The following LILRA6 variants were observed in gnomAD, a reference collection of about 807,000 sequenced individuals.
LILRA6 encodes the protein leukocyte immunoglobulin like receptor A6, also known as leukocyte immunoglobulin-like receptor subfamily A member 6.
In LILRA6, 16 loss-of-function variants were observed where a neutral mutation model predicts 53.9. The ratio of observed to expected loss-of-function variants is 0.30; its 90% CI spans 0.20 to 0.45. The LOEUF (loss-of-function observed/expected upper bound fraction) is 0.45, where lower values mean the gene tolerates loss of function less well. Ranked by LOEUF, LILRA6 falls within the 20% of genes least tolerant of loss-of-function variation. LILRA6 has a pLI of 1.00. For missense variants in LILRA6, 306 were observed against 618.6 expected, an observed-to-expected ratio of 0.49 and a Z score of 5.36; for synonymous variants, 135 against 256.4, an observed-to-expected ratio of 0.53 and a Z score of 4.52.
At chr19:54,239,279 A>G (rs1161128990) in intron 7 of LILRA6, 190 bp from the exon 8 acceptor site, 2 of 1,488,862 alleles carry the variant, frequency 1.3e-6, no homozygotes, top group African/African-American at 2.9e-5. Context: ...ATCAAAACAG[A>G]AGGGGAGAGC....
At position 54,239,109 on chromosome 19, in the gene LILRA6, A is replaced by G. The variant is rs761640344; in HGVS notation, c.1310-20T>C. On this transcript the variant is annotated intron_variant, in intron 7 of 7. Coordinates refer to ENST00000396365, the Ensembl canonical transcript of LILRA6. The stretch of plus-strand genomic sequence containing the variant: ...GTGAGGCTGGGGATGGTGGGCAAAG[A>G]GGTCACAGAGGTCCGGGCAGATCAA... 1 of 1,610,728 alleles carries G rather than the reference A, an allele frequency of 6.2e-7. No individual in the cohort carries two copies. Among genetic ancestry groups the G allele is most frequent in the Non-Finnish European group, 8.5e-7 (1 of 1,179,270 alleles).
intron 7 of LILRA6, 182 bp downstream of exon 7, chr19:54,239,719 G>GGCT (rs1183844415): frequency 6.4e-5 from 97 of 1,507,276 alleles, no homozygotes; most frequent in Non-Finnish European, 8.1e-5. Flanking sequence ...ACATCAGCCC[G>GGCT]GCTCCTCCTC....
chr19:54,239,305 C>A (rs1600978122), intron 7 of LILRA6: 3 of 1,406,050 alleles, frequency 2.1e-6, no homozygotes, highest in East Asian at 2.4e-5. Context: ...GCCAGCCTCT[C>A]CCCTGGGCTC....
chr19:54,241,623 G>T (rs775764386), exon 4 of LILRA6: 7 of 1,494,142 alleles, frequency 4.7e-6, no homozygotes, highest in Non-Finnish European at 6.4e-6. Flanking sequence ...CCACACCCGG[G>T]GGGTGTTCAT....
downstream of LILRA6, chr19:54,237,530 G>C (rs2078654114): frequency 1.3e-5 from 2 of 151,046 alleles, no homozygotes; most frequent in Non-Finnish European, 2.9e-5. Flanking sequence ...ACTCGAAGTG[G>C]ATTGAGGGTC....
exon 8 of LILRA6, chr19:54,239,014 C>T: frequency 6.2e-7 from 1 of 1,611,376 alleles, no homozygotes; most frequent in Non-Finnish European, 8.5e-7. Flanking sequence ...TAACAGAATC[C>T]CGAGGAACAC....
downstream of LILRA6, chr19:54,236,629 A>G (rs2078645361): frequency 6.6e-6 from 1 of 151,074 alleles, no homozygotes; most frequent in Admixed American, 6.6e-5. Flanking sequence ...AGTATTCACA[A>G]TAGCCAAGAT....
At chr19:54,237,863 A>G (rs1370119718), downstream of LILRA6, 1 of 150,674 alleles carries the variant, frequency 6.6e-6, no homozygotes, top group Non-Finnish European at 1.5e-5. Context: ...ATTGAACCAC[A>G]TATGTTTCCT....
At chr19:54,237,833 T>C (rs7246511), downstream of LILRA6, 56,470 of 148,904 alleles carry the variant, frequency 0.38, 6,918 homozygotes, top group African/African-American at 0.49. Context: ...CTGCACGGCC[T>C]CGTAGTATCC....
intron 7 of LILRA6, 100 bp from the exon 8 acceptor site, chr19:54,239,189 C>T: frequency 2.5e-6 from 4 of 1,583,076 alleles, no homozygotes; most frequent in Non-Finnish European, 3.4e-6. Context: ...CCGCCATTGA[C>T]AGAACCTGAC....
intron 4 of LILRA6, 47 bp downstream of exon 4, chr19:54,241,529 T>C (rs2078762008): frequency 7.1e-7 from 1 of 1,401,278 alleles, no homozygotes; most frequent in Non-Finnish European, 9.9e-7. Flanking sequence ...CCCCACAACC[T>C]GTCAGCTGCC....
At chr19:54,239,705 C>T in intron 7 of LILRA6, 196 bp downstream of exon 7, 5 of 1,548,600 alleles carry the variant, frequency 3.2e-6, no homozygotes, top group Non-Finnish European at 3.5e-6. Context: ...CTACCTTGCT[C>T]CCCACATCAG....
intron 7 of LILRA6, chr19:54,239,604 G>C (rs892642468): frequency 4.2e-6 from 5 of 1,198,640 alleles, no homozygotes; most frequent in East Asian, 2.6e-5. Flanking sequence ...CTGAGACCAC[G>C]AGCTCCAGGG....
At chr19:54,239,501 C>G in intron 7 of LILRA6, 1 of 660,898 alleles carries the variant, frequency 1.5e-6, no homozygotes, top group Non-Finnish European at 2.5e-6. Flanking sequence ...TCTCCACCTT[C>G]ACTCCCTTCT....
chr19:54,239,141 C>G lies in LILRA6; in HGVS notation c.1310-52G>C, dbSNP rs1265341438. ...AGAGGTCCGGGCAGATCAACTTCAC[C>G]CAGGACCCCTGGATGCCCAACCCAG... On this transcript the variant is annotated intron_variant, in intron 7 of 7. Transcript: ENST00000396365. 1.9e-6 allele frequency: 3 copies of G among 1,605,950 alleles called. No homozygotes were observed. In the African/African-American group the frequency reaches 4.1e-5, roughly 22 times the overall value.
chr19:54,242,622 C>T, intron 1 of LILRA6, 68 bp from the exon 2 acceptor site: 1 of 1,080,202 alleles, frequency 9.3e-7, no homozygotes, highest in South Asian at 2.0e-5. Flanking sequence ...CCTGGTGCCT[C>T]CTGAGCTTTT....
downstream of LILRA6, chr19:54,238,517 C>T (rs541063527): frequency 2.7e-5 from 5 of 185,210 alleles, no homozygotes; most frequent in South Asian, 2.6e-4. Flanking sequence ...CAGGAATGAT[C>T]GACAGATAGT....
chr19:54,239,588 C>A, intron 7 of LILRA6: 1 of 1,109,318 alleles, frequency 9.0e-7, no homozygotes, highest in Non-Finnish European at 1.3e-6. Flanking sequence ...GGGTCAGGGC[C>A]CTCACCTGAG....
At chr19:54,239,358 A>C in intron 7 of LILRA6, 1 of 980,980 alleles carries the variant, frequency 1.0e-6, no homozygotes, top group Admixed American at 2.7e-5. Context: ...GCTTTTACGG[A>C]GTTCCTCAAT....
Sources: allele counts gnomAD v4.1 joint callset, GRCh38; gene constraint gnomAD v4.1.1; transcripts MANE v1.5; gene names NCBI Gene and HGNC (gene_info 2026-07-23, HGNC 2026-07-21).